Variants in SFPQ observed in about 807,000 individuals in gnomAD.
The protein encoded by SFPQ is splicing factor proline and glutamine rich.
A neutral mutation model predicts 72.9 loss-of-function variants in SFPQ; 11 were observed. The observed-to-expected ratio is 0.15, with a 90% confidence interval of 0.09 to 0.25. SFPQ has a LOEUF of 0.25. Ranked by LOEUF, SFPQ falls within the 10% of genes least tolerant of loss-of-function variation. The pLI, the probability that SFPQ is intolerant of heterozygous loss-of-function variation, is 1.00. For missense variants in SFPQ, 847 were observed against 993.3 expected (o/e 0.85, Z 1.98); for synonymous variants, 506 against 367.3 (o/e 1.38, Z -4.32).
At position 35,184,239 on chromosome 1, in the gene SFPQ, GA is replaced by G; in HGVS notation, c.*216del. 2 of 1,317,946 alleles carry G rather than the reference GA, an allele frequency of 1.5e-6. No homozygotes were observed. The highest frequency in any genetic ancestry group is 4.0e-5 in the South Asian group (2 of 50,342). The allele number at this position is 1,317,946 out of a possible 1,614,324, so 81.6% of individuals were successfully genotyped here. On this transcript the variant is annotated 3_prime_UTR_variant, in exon 10 of 10. Transcript: ENST00000357214. The stretch of plus-strand genomic sequence containing the variant: ...TTGAGGGACATTATACAGTAAAAAA[GA>G]AAAAATAAAGAAATAAAAAGGAAAA...
At position 35,176,638 on chromosome 1, in the gene SFPQ, G is replaced by GGA. The variant is rs370733371; in HGVS notation, c.*106-169_*106-168dup. On this transcript the variant is annotated intron_variant and NMD_transcript_variant, in intron 5 of 5. Transcript: ENST00000460428. ...CAATCCCAGCACTTTGGGAGGCCAAGGAGGGCGGATCACAGGGTCAGGAGA... is the reference window on the plus strand; with the variant it reads ...CAATCCCAGCACTTTGGGAGGCCAAGGAGAGGGCGGATCACAGGGTCAGGAGA... Among the ~76,000 whole-genome samples the GGA allele has an allele frequency of 3.0e-3, 463 of 152,210 alleles. 1 individual carries two copies. The highest frequency in any genetic ancestry group is 0.011 in the African/African-American group (441 of 41,546).
chr1:35,193,063 G>T lies in SFPQ; in HGVS notation c.-14C>A, dbSNP rs900764118. The T allele has an allele frequency of 1.3e-6, 2 of 1,543,718 alleles. No individual in the cohort carries two copies. The highest frequency in any genetic ancestry group is 2.8e-5 in the African/African-American group (2 of 70,192). On this transcript the variant is annotated 5_prime_UTR_variant, in exon 1 of 10. Transcript: ENST00000357214. ...ATCCCGAGACATGTCTGTGGTCAAG[G>T]GGCGGTCGAGGCAAAAGCGAAGAAG...
chr1:35,184,090 A>T lies in SFPQ; in HGVS notation c.*366T>A. 1 of 1,116,520 alleles carries T rather than the reference A, an allele frequency of 9.0e-7. No individual in the cohort carries two copies. Among genetic ancestry groups the T allele is most frequent in the Non-Finnish European group, 1.1e-6 (1 of 913,766 alleles). The allele number at this position is 1,116,520 out of a possible 1,614,324, so 69.2% of individuals were successfully genotyped here. A position where few individuals can be genotyped will look rare whatever the true frequency, so the allele number is the denominator to read the frequency against. ...GGAATACGTAGCCTAATATGCATAGAAGCATGAATGGCAAAGTTGAAGATC... is the reference window on the plus strand; with the variant it reads ...GGAATACGTAGCCTAATATGCATAGTAGCATGAATGGCAAAGTTGAAGATC... On this transcript the variant is annotated 3_prime_UTR_variant, in exon 10 of 10. Transcript: ENST00000357214.
At position 35,192,395 on chromosome 1, in the gene SFPQ, C is replaced by G; in HGVS notation, c.655G>C (p.Gly219Arg). Reference sequence around the variant, plus strand: ...GGCGTACTTAGGCCCGGGCCGCCACCTGGCTTCGGCCCGCCAGGCATTTTG... The same window carrying G: ...GGCGTACTTAGGCCCGGGCCGCCACGTGGCTTCGGCCCGCCAGGCATTTTG... ...GGKMPGGPKPGGGPGLSTPGG... is the reference protein window; with the variant it reads ...GGKMPGGPKPRGGPGLSTPGG... The change falls in exon 1 of 10, where the codon GGT becomes CGT. Residue 219 changes from glycine to arginine, a missense_variant. By Grantham distance (125) the Gly-to-Arg change is moderately radical. Coordinates refer to ENST00000357214, the MANE Select transcript of SFPQ (RefSeq NM_005066.3). 1 of 1,418,070 alleles carries G rather than the reference C, an allele frequency of 7.1e-7. No homozygotes were observed. Among genetic ancestry groups the G allele is most frequent in the Non-Finnish European group, 9.1e-7 (1 of 1,094,452 alleles). 87.8% of individuals were successfully genotyped at this position (1,418,070 alleles called of 1,614,324 possible). A position where few individuals can be genotyped will look rare whatever the true frequency, so the allele number is the denominator to read the frequency against.
downstream of SFPQ, chr1:35,178,680 G>C: frequency 9.5e-7 from 1 of 1,055,604 alleles, no homozygotes; most frequent in Non-Finnish European, 1.1e-6. Flanking sequence ...CTATATGCCT[G>C]GCAGGGCCAC....
Position 35,183,196 on chromosome 1 carries a change from A to C in SFPQ, c.*1260T>G. On this transcript the variant is annotated 3_prime_UTR_variant, in exon 10 of 10. Coordinates refer to ENST00000357214, the MANE Select transcript of SFPQ (RefSeq NM_005066.3). ...TAAAAGTTACAGAGTACAAATGTAT[A>C]TATAACTAAACCTACTTCAGTACTA... The C allele has an allele frequency of 9.9e-7, 1 of 1,014,364 alleles. No homozygotes were observed. The allele number at this position is 1,014,364 out of a possible 1,614,324, so 62.8% of individuals were successfully genotyped here.
At chr1:35,190,005 T>C (rs750799059) in intron 4 of SFPQ, among the ~76,000 whole-genome samples, 2 of 151,782 alleles carry the variant, frequency 1.3e-5, no homozygotes, top group South Asian at 2.1e-4. Context: ...ATCATGCCTG[T>C]ATCCCAGCAC....
intron 9 of SFPQ, among the ~76,000 whole-genome samples, chr1:35,185,799 C>CAAAGG (rs1639685308): frequency 6.6e-6 from 1 of 152,028 alleles, no homozygotes; most frequent in South Asian, 2.1e-4. Context: ...TGTTCTACCT[C>CAAAGG]TAAGAACTTA....
rs1220746055 is a variant in SFPQ at position 35,183,509 on chromosome 1, G to A, written c.*947C>T. On this transcript the variant is annotated 3_prime_UTR_variant, in exon 10 of 10. Coordinates refer to ENST00000357214, the MANE Select transcript of SFPQ (RefSeq NM_005066.3). ...TGGGATTACAGGCGTGAGCCACCGC[G>A]CCCGGCCCAGTTACTAAACCTTCTT... The A allele has an allele frequency of 8.9e-6, 9 of 1,006,094 alleles. No individual in the cohort carries two copies. In the East Asian group the frequency reaches 2.1e-4, roughly 23 times the overall value. 62.3% of individuals were successfully genotyped at this position (1,006,094 alleles called of 1,614,324 possible).
At chr1:35,181,645 T>C, downstream of SFPQ, 1 of 1,060,808 alleles carries the variant, frequency 9.4e-7, no homozygotes. Context: ...CAACCAGTGT[T>C]CCTCTTAAAA....
rs1290850268 is a variant in SFPQ at position 35,186,853 on chromosome 1, C to T, written c.1986+148G>A. 3 of 742,134 alleles carry T rather than the reference C, an allele frequency of 4.0e-6. No individual in the cohort carries two copies. The African/African-American group carries it at 5.3e-5, about 13-fold the overall frequency. 46.0% of individuals were successfully genotyped at this position (742,134 alleles called of 1,614,324 possible). ...TCTTCTATGTTGCCAAAGTATTCCT[C>T]AATATTACATATTTATGTATGAAAT... On this transcript the variant is annotated intron_variant, in intron 9 of 9. Transcript: ENST00000357214.
chr1:35,186,241 C>A (rs1486595649), intron 9 of SFPQ, among the ~76,000 whole-genome samples: 1 of 152,172 alleles, frequency 6.6e-6, no homozygotes, highest in Non-Finnish European at 1.5e-5. Flanking sequence ...TCTCTAAACC[C>A]ACCAAAATTC....
Position 35,192,202 on chromosome 1 carries a change from T to A in SFPQ, c.828+20A>T, listed in dbSNP as rs1236836571. The A allele has an allele frequency of 1.0e-5, 14 of 1,385,088 alleles. No homozygotes were observed. Among genetic ancestry groups the A allele is most frequent in the Non-Finnish European group, 1.1e-5 (12 of 1,075,084 alleles). The allele number at this position is 1,385,088 out of a possible 1,614,324, so 85.8% of individuals were successfully genotyped here. On this transcript the variant is annotated intron_variant, in intron 1 of 9. Transcript: ENST00000357214. ...CCGCCATCTTAGGGGAGCCGACGCG[T>A]CGCTCCCATAGACACTCACCTCCGA... is the stretch of plus-strand genomic sequence containing the variant.
rs1639966341 is a variant in SFPQ, at chr1:35,190,995, C to T, written c.1018G>A (p.Glu340Lys). The change falls in exon 3 of 10, where the codon GAA becomes AAA. Residue 340 changes from glutamate to lysine, a missense_variant and splice_region_variant. Glu to Lys is a moderately conservative substitution (Grantham distance 56, BLOSUM62 1). Coordinates refer to ENST00000357214, the MANE Select transcript of SFPQ (RefSeq NM_005066.3). ...KGKGFGFIKL[E>K]SRALAEIAKA... ...GCAATTTCAGCCAAAGCTCTAGATT[C>T]CTGTGTATCAGAGACACTCATGTTA... 2 of 1,611,884 alleles carry T rather than the reference C, an allele frequency of 1.2e-6. No individual in the cohort carries two copies. Among genetic ancestry groups the T allele is most frequent in the Admixed American group, 1.7e-5 (1 of 59,738 alleles).
Position 35,193,005 on chromosome 1 carries a change from G to GCCACCA in SFPQ, c.39_44dup (p.Gly14_Gly15dup). Reference sequence around the variant, plus strand: ...CGCCGCCTCCTCCACGCCTGTGGAAGCCACCACCGCCACCGCCACGACTCC... The same window carrying GCCACCA: ...CGCCGCCTCCTCCACGCCTGTGGAAGCCACCACCACCACCGCCACCGCCACGACTCC... On this transcript the variant is annotated inframe_insertion, in exon 1 of 10. Transcript: ENST00000357214. 2.0e-6 allele frequency: 3 copies of GCCACCA among 1,532,488 alleles called. No homozygotes were observed. The highest frequency in any genetic ancestry group is 2.6e-6 in the Non-Finnish European group (3 of 1,144,356). 94.9% of individuals were successfully genotyped at this position (1,532,488 alleles called of 1,614,324 possible). A position where few individuals can be genotyped will look rare whatever the true frequency, so the allele number is the denominator to read the frequency against.
intron 1 of SFPQ, among the ~76,000 whole-genome samples, chr1:35,191,948 G>C (rs981466868): frequency 6.6e-6 from 1 of 152,108 alleles, no homozygotes; most frequent in Non-Finnish European, 1.5e-5. Flanking sequence ...CAGTCCCAGG[G>C]ACAGGATACC....
In SFPQ at chr1:35,193,017, A is replaced by G. The variant is rs1197400557; in HGVS notation, c.33T>C (p.Gly11=). MSRDRFRSRG[G]GGGGFHRRGG... is the part of the protein sequence containing the mutation. ...CACGCCTGTGGAAGCCACCACCGCC[A>G]CCGCCACGACTCCGGAACCGATCCC... is the stretch of plus-strand genomic sequence containing the variant. Residue 11 remains glycine (G), a synonymous_variant, in exon 1 of 10, where the codon GGT becomes GGC. Transcript: ENST00000357214. 2.6e-6 allele frequency: 4 copies of G among 1,540,074 alleles called. No homozygotes were observed. Among genetic ancestry groups the G allele is most frequent in the Non-Finnish European group, 3.5e-6 (4 of 1,148,242 alleles).
In SFPQ at chr1:35,190,951, A is replaced by G. The variant is rs374280481; in HGVS notation, c.1062T>C (p.Asp354=). 1.7e-4 allele frequency: 267 copies of G among 1,614,022 alleles called. No individual in the cohort carries two copies. The highest frequency in any genetic ancestry group is 2.0e-4 in the Non-Finnish European group (237 of 1,180,050). The part of the protein sequence containing the change: ...LAEIAKAELD[D]TPMRGRQLRV... The stretch of plus-strand genomic sequence containing the variant: ...GAAGCTGTCTACCTCTCATGGGTGT[A>G]TCATCCAGTTCGGCTTTGGCAATTT... The change falls in exon 3 of 10, where the codon GAT becomes GAC. Residue 354 remains aspartate (D), a synonymous_variant. Coordinates refer to ENST00000357214, the MANE Select transcript of SFPQ (RefSeq NM_005066.3).
chr1:35,183,664 TTTG>T lies in SFPQ; in HGVS notation c.*789_*791del, dbSNP rs1639575848. The T allele has an allele frequency of 9.6e-7, 1 of 1,038,322 alleles. No individual in the cohort carries two copies. Among genetic ancestry groups the T allele is most frequent in the Non-Finnish European group, 1.2e-6 (1 of 862,088 alleles). The allele number at this position is 1,038,322 out of a possible 1,614,324, so 64.3% of individuals were successfully genotyped here. A position where few individuals can be genotyped will look rare whatever the true frequency, so the allele number is the denominator to read the frequency against. The stretch of plus-strand genomic sequence containing the variant: ...TACAAGCCATTTATAGGGCTTGAGA[TTTG>T]TTGGTCTTTTAAAAACAAGAAATGG... On this transcript the variant is annotated 3_prime_UTR_variant, in exon 10 of 10. Coordinates refer to ENST00000357214, the MANE Select transcript of SFPQ (RefSeq NM_005066.3).
Sources: gnomAD v4.1 joint callset for allele counts (sites outside exome capture counted in the v4.1 genomes callset) on GRCh38, gnomAD v4.1.1 for gene constraint, MANE v1.5 for transcripts, NCBI Gene and HGNC (gene_info 2026-07-23, HGNC 2026-07-21) for gene names.